Variants in MED12L observed in about 807,000 individuals in gnomAD.
MED12L encodes the protein mediator of RNA polymerase II transcription subunit 12-like protein.
Under a neutral mutation model 281.3 loss-of-function variants are expected in MED12L, and 60 were observed. The ratio of observed to expected loss-of-function variants is 0.21; its 90% CI spans 0.17 to 0.26. The LOEUF is 0.26. MED12L is among the 10% of genes least tolerant of loss of function. The probability of loss-of-function intolerance (pLI) is 1.00; values close to 1 mark genes in which losing one functional copy is unlikely to be tolerated. For missense variants in MED12L, 2,146 were observed against 2,680.9 expected (o/e 0.80, Z 4.41); for synonymous variants, 974 against 987.2 (o/e 0.99, Z 0.25).
rs1382768846 is a variant in MED12L, at chr3:151,146,169, T to C, written c.557-9992T>C. ...GAGTTGAAATCCCTGGAGTTGGAAA[T>C]AAACGTGTGCGTTGAACCAGCACCC... On this transcript the variant is annotated intron_variant, in intron 5 of 44. Transcript: ENST00000687756. Among the ~76,000 whole-genome samples, 3 of 152,302 alleles carry C rather than the reference T, an allele frequency of 2.0e-5. No homozygotes were observed. The East Asian group carries it at 5.8e-4, about 29-fold the overall frequency.
At chr3:151,294,703 A>G (rs1481264632) in intron 16 of MED12L, 5 of 1,614,164 alleles carry the variant, frequency 3.1e-6, no homozygotes, top group South Asian at 1.1e-5. Context: ...TTGGCTGACC[A>G]TTTGTTAGGA....
chr3:151,109,122 A>G (rs979636601), intron 2 of MED12L, among the ~76,000 whole-genome samples: 1 of 151,884 alleles, frequency 6.6e-6, no homozygotes, highest in Non-Finnish European at 1.5e-5. Flanking sequence ...CAGTGGCGCA[A>G]TCTCGGCTCA....
rs566577750 is a variant in MED12L at position 151,241,614 on chromosome 3, ATG to A, written c.2250+47958_2250+47959del. 2.3e-3 allele frequency among the ~76,000 whole-genome samples: 343 copies of A among 152,258 alleles called. 1 individual carries two copies. The highest frequency in any genetic ancestry group is 4.0e-3 in the Non-Finnish European group (274 of 68,010). On this transcript the variant is annotated intron_variant, in intron 16 of 44. Transcript: ENST00000687756. ...CACACTTTCACAGTGGGTTATATAT[ATG>A]TGTGTGTGTATATACACACACAGTA...
At chr3:151,335,857 G>A (rs1388762829) in intron 16 of MED12L, among the ~76,000 whole-genome samples, 2 of 152,150 alleles carry the variant, frequency 1.3e-5, no homozygotes, top group East Asian at 3.9e-4. Flanking sequence ...ATAAAACATA[G>A]GTAATTTCAA....
intron 16 of MED12L, among the ~76,000 whole-genome samples, chr3:151,345,974 T>C (rs1752487000): frequency 6.6e-6 from 1 of 152,190 alleles, no homozygotes; most frequent in Non-Finnish European, 1.5e-5. Context: ...AAAGGAATAC[T>C]GTCTTTACAC....
At chr3:151,268,404 C>T (rs938522596) in intron 16 of MED12L, among the ~76,000 whole-genome samples, 1 of 152,148 alleles carries the variant, frequency 6.6e-6, no homozygotes, top group Non-Finnish European at 1.5e-5. Flanking sequence ...GCATACTGCT[C>T]TCCATTTTCT....
At chr3:151,220,054 ATTAT>A (rs898126595) in intron 16 of MED12L, among the ~76,000 whole-genome samples, 1 of 149,660 alleles carries the variant, frequency 6.7e-6, no homozygotes, top group Non-Finnish European at 1.5e-5. Context: ...GGGCCAGATA[ATTAT>A]TTATTTTTGG....
intron 16 of MED12L, chr3:151,198,988 C>G: frequency 4.3e-6 from 7 of 1,614,046 alleles, no homozygotes; most frequent in Non-Finnish European, 5.9e-6. Flanking sequence ...CGGTTGATAT[C>G]ATTTTGGCAA....
chr3:151,203,247 A>T (rs1478513771), intron 16 of MED12L: 1 of 152,154 alleles, frequency 6.6e-6, no homozygotes, highest in African/African-American at 2.4e-5. Context: ...GTGTGGTTTT[A>T]AAATGTTGCA....
rs1449925728 is a variant in MED12L, at chr3:151,416,365, C to T, written c.6351C>T (p.Ser2117=). 2 of 1,611,934 alleles carry T rather than the reference C, an allele frequency of 1.2e-6. No individual in the cohort carries two copies. The highest frequency in any genetic ancestry group is 1.7e-6 in the Non-Finnish European group (2 of 1,178,732). The change falls in exon 43 of 45, where the codon TCC becomes TCT. Residue 2117 remains serine (S), a synonymous_variant. Coordinates refer to ENST00000687756, the MANE Select transcript of MED12L (RefSeq NM_001393769.1). The part of the protein sequence containing the change: ...QPQQPPQPQQ[S]SQSQSQTLGL... Reference sequence around the variant, plus strand: ...AGCAGCCTCCCCAGCCCCAGCAGTCCTCGCAGTCCCAGAGTCAGACCCTTG... The same window carrying T: ...AGCAGCCTCCCCAGCCCCAGCAGTCTTCGCAGTCCCAGAGTCAGACCCTTG...
chr3:151,370,000 G>A (rs1016844673), intron 26 of MED12L, among the ~76,000 whole-genome samples: 2 of 152,108 alleles, frequency 1.3e-5, no homozygotes, highest in African/African-American at 2.4e-5. Context: ...GACCCTGAAC[G>A]AGTATATTTC....
chr3:151,116,507 T>A, intron 3 of MED12L, 65 bp downstream of exon 3: 1 of 1,005,216 alleles, frequency 9.9e-7, no homozygotes. Context: ...CCCTTAATAA[T>A]CACTGTTGAT....
chr3:151,098,472 T>C (rs898950899), intron 2 of MED12L, among the ~76,000 whole-genome samples: 1 of 152,186 alleles, frequency 6.6e-6, no homozygotes, highest in African/African-American at 2.4e-5. Flanking sequence ...CTCTGAAGGC[T>C]CTAGGAGGAG....
In MED12L at chr3:151,128,912, G is replaced by C. The variant is rs573471395; in HGVS notation, c.556+928G>C. ...CCAAGTCCCCAGTGTCCAGAGTTATGCTGGCCATGGTCAGTATTTTGAGTC... is the reference window on the plus strand; with the variant it reads ...CCAAGTCCCCAGTGTCCAGAGTTATCCTGGCCATGGTCAGTATTTTGAGTC... On this transcript the variant is annotated intron_variant, in intron 5 of 44. Coordinates refer to ENST00000687756, the MANE Select transcript of MED12L (RefSeq NM_001393769.1). Among the ~76,000 whole-genome samples, 59 of 152,338 alleles carry C rather than the reference G, an allele frequency of 3.9e-4. 1 individual carries two copies. Among genetic ancestry groups the C allele is most frequent in the South Asian group, 2.5e-3 (12 of 4,824 alleles).
chr3:151,118,151 AG>A (rs1234678132), intron 3 of MED12L, among the ~76,000 whole-genome samples: 1 of 150,880 alleles, frequency 6.6e-6, no homozygotes, highest in Non-Finnish European at 1.5e-5. Flanking sequence ...GTAATCTTTT[AG>A]GGTTTTTTTT....
Position 151,124,995 on chromosome 3 carries a change from C to A in MED12L, c.396+2021C>A, listed in dbSNP as rs189362170. ...ATCCAAGGAGAAAGGTGATAGGACACCCTTTTGTGGATTGAAAGCCAGCAC... is the reference window on the plus strand; with the variant it reads ...ATCCAAGGAGAAAGGTGATAGGACAACCTTTTGTGGATTGAAAGCCAGCAC... On this transcript the variant is annotated intron_variant, in intron 4 of 44. Coordinates refer to ENST00000687756, the MANE Select transcript of MED12L (RefSeq NM_001393769.1). 4.4e-3 allele frequency among the ~76,000 whole-genome samples: 645 copies of A among 148,032 alleles called. 1 individual carries two copies. Among genetic ancestry groups the A allele is most frequent in the Non-Finnish European group, 7.8e-3 (528 of 67,804 alleles).
At chr3:151,206,642 C>CTTTTTT (rs747558778) in intron 16 of MED12L, among the ~76,000 whole-genome samples, 2,208 of 70,212 alleles carry the variant, frequency 0.031, 815 homozygotes, top group African/African-American at 0.11. Context: ...AACACATTAT[C>CTTTTTT]TTTTTTTTTT....
intron 23 of MED12L, 62 bp from the exon 24 acceptor site, chr3:151,367,584 T>C: frequency 6.9e-7 from 1 of 1,457,904 alleles, no homozygotes; most frequent in Non-Finnish European, 9.2e-7. Flanking sequence ...TCTTAGTTAT[T>C]AATCTTAGAT....
At chr3:151,092,406 G>A (rs1576706831) in intron 2 of MED12L, among the ~76,000 whole-genome samples, 1 of 152,202 alleles carries the variant, frequency 6.6e-6, no homozygotes, top group African/African-American at 2.4e-5. Flanking sequence ...TGTCTGTGGT[G>A]TTCACATCTG....
Sources: allele counts gnomAD v4.1 joint callset (sites outside exome capture counted in the v4.1 genomes callset), GRCh38; gene constraint gnomAD v4.1.1; transcripts MANE v1.5; gene names NCBI Gene and HGNC (gene_info 2026-07-23, HGNC 2026-07-21).